PTF1A: variants seen among roughly 807,000 people sequenced by gnomAD.
PTF1A encodes the protein pancreas associated transcription factor 1a.
Under a neutral mutation model 22.6 loss-of-function variants are expected in PTF1A, and 18 were observed. The ratio of observed to expected loss-of-function variants is 0.80; its 90% CI spans 0.55 to 1.18. The LOEUF (loss-of-function observed/expected upper bound fraction) is 1.18, where lower values mean the gene tolerates loss of function less well. Ranked by LOEUF, PTF1A falls within the 50% of genes most tolerant of loss-of-function variation. The probability of loss-of-function intolerance (pLI) is 0.00; values close to 1 mark genes in which losing one functional copy is unlikely to be tolerated. For missense variants in PTF1A, 477 were observed against 473.0 expected (o/e 1.01, Z -0.08); for synonymous variants, 259 against 227.9 (o/e 1.14, Z -1.23).
chr10:23,194,064 A>G lies in PTF1A; in HGVS notation c.*158A>G, dbSNP rs967088363. 2.9e-5 allele frequency: 11 copies of G among 383,370 alleles called. No homozygotes were observed. Among genetic ancestry groups the G allele is most frequent in the Non-Finnish European group, 5.5e-5 (11 of 198,844 alleles). The allele number at this position is 383,370 out of a possible 1,614,324, so 23.7% of individuals were successfully genotyped here. On this transcript the variant is annotated 3_prime_UTR_variant, in exon 2 of 2. Transcript: ENST00000376504. Reference sequence around the variant, plus strand: ...TTATCCTGTTGAGTTGATGAAATAGATGATTTCTTTTTAAATATATAATTT... The same window carrying G: ...TTATCCTGTTGAGTTGATGAAATAGGTGATTTCTTTTTAAATATATAATTT...
rs1805528591 is a variant in PTF1A at position 23,192,387 on chromosome 10, G to A, written c.-144G>A. On this transcript the variant is annotated 5_prime_UTR_variant, in exon 1 of 2. Transcript: ENST00000376504. ...GCGCAGCGGCCGCGGGCACTCCAGGGAGGCCCGGGGGCGGGCAGCCCGGCG... is the reference window on the plus strand; with the variant it reads ...GCGCAGCGGCCGCGGGCACTCCAGGAAGGCCCGGGGGCGGGCAGCCCGGCG... 12 of 1,139,542 alleles carry A rather than the reference G, an allele frequency of 1.1e-5. No individual in the cohort carries two copies. The highest frequency in any genetic ancestry group is 1.6e-5 in the African/African-American group (1 of 60,642). The allele number at this position is 1,139,542 out of a possible 1,614,324, so 70.6% of individuals were successfully genotyped here. A position where few individuals can be genotyped will look rare whatever the true frequency, so the allele number is the denominator to read the frequency against.
Position 23,192,890 on chromosome 10 carries a change from G to T in PTF1A, c.360G>T (p.Ser120=), listed in dbSNP as rs1244675905. 2.3e-6 allele frequency: 3 copies of T among 1,305,640 alleles called. No homozygotes were observed. Among genetic ancestry groups the T allele is most frequent in the South Asian group, 4.6e-5 (2 of 43,820 alleles). The allele number at this position is 1,305,640 out of a possible 1,614,324, so 80.9% of individuals were successfully genotyped here. A position where few individuals can be genotyped will look rare whatever the true frequency, so the allele number is the denominator to read the frequency against. ...CCTACTCGCCCGGCTCGCCGCCCTC[G>T]TGCCTGGCCTACCCGTGCGCCGGGG... is the stretch of plus-strand genomic sequence containing the variant. ...GFPYSPGSPP[S]CLAYPCAGAA... The change falls in exon 1 of 2, where the codon TCG becomes TCT. Residue 120 remains serine (S), a synonymous_variant. Coordinates refer to ENST00000376504, the MANE Select transcript of PTF1A (RefSeq NM_178161.3).
At chr10:23,193,463 G>GTTTTTTTTT in intron 1 of PTF1A, 149 bp downstream of exon 1, 3 of 601,924 alleles carry the variant, frequency 5.0e-6, no homozygotes, top group Non-Finnish European at 7.9e-6. Context: ...CGCGTTTCTC[G>GTTTTTTTTT]TTTTTTTTTT....
In PTF1A at chr10:23,193,544, C is replaced by T. The variant is rs1252908320; in HGVS notation, c.785-160C>T. On this transcript the variant is annotated intron_variant, in intron 1 of 1. Transcript: ENST00000376504. ...CGTCCCCGCCAGACTTGCAGCTCCT[C>T]GGATTCCTGGGAGGGGACGGTGGGG... 7 of 765,774 alleles carry T rather than the reference C, an allele frequency of 9.1e-6. No individual in the cohort carries two copies. The East Asian group carries it at 9.9e-5, about 11-fold the overall frequency. The allele number at this position is 765,774 out of a possible 1,614,324, so 47.4% of individuals were successfully genotyped here. A position where few individuals can be genotyped will look rare whatever the true frequency, so the allele number is the denominator to read the frequency against.
rs368811054 is a variant in PTF1A, at chr10:23,192,494, C to T, written c.-37C>T. 8.8e-6 allele frequency: 14 copies of T among 1,593,658 alleles called. No individual in the cohort carries two copies. In the African/African-American group the frequency reaches 1.2e-4, roughly 14 times the overall value. On this transcript the variant is annotated 5_prime_UTR_variant, in exon 1 of 2. Coordinates refer to ENST00000376504, the MANE Select transcript of PTF1A (RefSeq NM_178161.3). Reference sequence around the variant, plus strand: ...GAAACTCACCAAGAACTAACACGCGCAGCCCGGCAGTCCCGCTGCCCACTG... The same window carrying T: ...GAAACTCACCAAGAACTAACACGCGTAGCCCGGCAGTCCCGCTGCCCACTG...
chr10:23,192,404 A>G lies in PTF1A; in HGVS notation c.-127A>G. ...ACTCCAGGGAGGCCCGGGGGCGGGC[A>G]GCCCGGCGGCCGCCTAGCTGCCCCC... On this transcript the variant is annotated 5_prime_UTR_variant, in exon 1 of 2. Coordinates refer to ENST00000376504, the MANE Select transcript of PTF1A (RefSeq NM_178161.3). 4.4e-6 allele frequency: 5 copies of G among 1,134,270 alleles called. No homozygotes were observed. The highest frequency in any genetic ancestry group is 2.7e-5 in the Admixed American group (1 of 37,654). The allele number at this position is 1,134,270 out of a possible 1,614,324, so 70.3% of individuals were successfully genotyped here.
rs1219091350 is a variant in PTF1A at position 23,192,812 on chromosome 10, C to T, written c.282C>T (p.Asp94=). The change falls in exon 1 of 2, where the codon GAC becomes GAT. Residue 94 remains aspartate (D), a synonymous_variant. Coordinates refer to ENST00000376504, the MANE Select transcript of PTF1A (RefSeq NM_178161.3). ...CGGGGGGCCTCGGTGAGCCAGACGA[C>T]GGCGGCGGCGGCGGCTACTGCTGCG... ...PSSGGLGEPD[D]GGGGGYCCET... 2 of 1,288,640 alleles carry T rather than the reference C, an allele frequency of 1.6e-6. No homozygotes were observed. The highest frequency in any genetic ancestry group is 2.0e-6 in the Non-Finnish European group (2 of 1,023,142). 79.8% of individuals were successfully genotyped at this position (1,288,640 alleles called of 1,614,324 possible).
Position 23,194,092 on chromosome 10 carries a change from A to G in PTF1A, c.*186A>G. ...ATTTCTTTTTAAATATATAATTTAT[A>G]TAACTTATCCTGATTTTCTGAAAAT... On this transcript the variant is annotated 3_prime_UTR_variant, in exon 2 of 2. Coordinates refer to ENST00000376504, the MANE Select transcript of PTF1A (RefSeq NM_178161.3). 3.5e-6 allele frequency: 2 copies of G among 567,036 alleles called. No individual in the cohort carries two copies. The highest frequency in any genetic ancestry group is 6.1e-5 in the Admixed American group (2 of 32,590). 35.1% of individuals were successfully genotyped at this position (567,036 alleles called of 1,614,324 possible).
chr10:23,193,686 C>G lies in PTF1A; in HGVS notation c.785-18C>G. 6.5e-7 allele frequency: 1 copy of G among 1,530,856 alleles called. No homozygotes were observed. Among genetic ancestry groups the G allele is most frequent in the South Asian group, 1.1e-5 (1 of 89,286 alleles). 94.8% of individuals were successfully genotyped at this position (1,530,856 alleles called of 1,614,324 possible). On this transcript the variant is annotated intron_variant, in intron 1 of 1. Transcript: ENST00000376504. Reference sequence around the variant, plus strand: ...TGGTTGGATATTCACAGTCTGTTTTCTCTTCTCACCTGTCCAGGGTCCCCC... The same window carrying G: ...TGGTTGGATATTCACAGTCTGTTTTGTCTTCTCACCTGTCCAGGGTCCCCC...
In PTF1A at chr10:23,193,755, ACTCT is replaced by A; in HGVS notation, c.842_845del (p.Leu281HisfsTer37). 6.2e-7 allele frequency: 1 copy of A among 1,613,288 alleles called. No individual in the cohort carries two copies. ...TATGGCCTCCCTCCCCTAGCAGGAC[ACTCT>A]CTCTCATGGACTGATGAAAAACAAC... On this transcript the variant is annotated frameshift_variant, in exon 2 of 2. Transcript: ENST00000376504. LOFTEE classifies it high-confidence loss of function.
At position 23,193,106 on chromosome 10, in the gene PTF1A, G is replaced by T; in HGVS notation, c.576G>T (p.Thr192=). The change falls in exon 1 of 2, where the codon ACG becomes ACT. Residue 192 remains threonine (T), a synonymous_variant. Coordinates refer to ENST00000376504, the MANE Select transcript of PTF1A (RefSeq NM_178161.3). ...AFEGLRSHIP[T]LPYEKRLSKV... is the part of the protein sequence containing the mutation. ...AGGGGCTGCGCTCGCACATCCCCAC[G>T]CTGCCCTACGAGAAGCGCCTCTCCA... is the stretch of plus-strand genomic sequence containing the variant. The T allele has an allele frequency of 1.4e-6, 2 of 1,439,404 alleles. No homozygotes were observed. Among genetic ancestry groups the T allele is most frequent in the South Asian group, 1.3e-5 (1 of 77,100 alleles). 89.2% of individuals were successfully genotyped at this position (1,439,404 alleles called of 1,614,324 possible). A position where few individuals can be genotyped will look rare whatever the true frequency, so the allele number is the denominator to read the frequency against.
intron 1 of PTF1A, 125 bp downstream of exon 1, chr10:23,193,439 C>G (rs1704225540): frequency 2.2e-6 from 2 of 893,532 alleles, no homozygotes; most frequent in African/African-American, 3.4e-5. Flanking sequence ...CACGGAAAAA[C>G]TTGAATGCGA....
In PTF1A at chr10:23,193,211, C is replaced by CGGTGGCGCG. The variant is rs1840916548; in HGVS notation, c.684_692dup (p.Ala230_Gly232dup). 1 of 1,320,426 alleles carries CGGTGGCGCG rather than the reference C, an allele frequency of 7.6e-7. No individual in the cohort carries two copies. Among genetic ancestry groups the CGGTGGCGCG allele is most frequent in the Non-Finnish European group, 9.7e-7 (1 of 1,027,732 alleles). 81.8% of individuals were successfully genotyped at this position (1,320,426 alleles called of 1,614,324 possible). On this transcript the variant is annotated inframe_insertion, in exon 1 of 2. Coordinates refer to ENST00000376504, the MANE Select transcript of PTF1A (RefSeq NM_178161.3). ...TGCAGGCCGACCTGCCCTTGCGCGG[C>CGGTGGCGCG]GGTGGCGCGGGCGGCTGCGGGGGGC...
In PTF1A at chr10:23,193,163, C is replaced by A. The variant is rs564663588; in HGVS notation, c.633C>A (p.Tyr211Ter). Residue 211 changes from tyrosine to a stop codon, truncating the protein, a stop_gained, in exon 1 of 2, where the codon TAC becomes TAA. Coordinates refer to ENST00000376504, the MANE Select transcript of PTF1A (RefSeq NM_178161.3). LOFTEE classifies it high-confidence loss of function. The stretch of plus-strand genomic sequence containing the variant: ...ACACGCTGCGCCTGGCCATCGGCTA[C>A]ATCAACTTCCTCAGCGAGCTCGTGC... ...KVDTLRLAIGYINFLSELVQA... is the reference protein window; with the variant it reads ...KVDTLRLAIG 7.1e-7 allele frequency: 1 copy of A among 1,414,332 alleles called. No homozygotes were observed. Among genetic ancestry groups the A allele is most frequent in the South Asian group, 1.4e-5 (1 of 73,760 alleles). The allele number at this position is 1,414,332 out of a possible 1,614,324, so 87.6% of individuals were successfully genotyped here.
Position 23,193,933 on chromosome 10 carries a change from G to T in PTF1A, c.*27G>T. ...AAGTCCCAGACTCGGCTGAAGATCT[G>T]ATTATGTCTCTGTGCATATTGTACA... On this transcript the variant is annotated 3_prime_UTR_variant, in exon 2 of 2. Transcript: ENST00000376504. The T allele has an allele frequency of 1.3e-6, 2 of 1,525,618 alleles. No homozygotes were observed. Among genetic ancestry groups the T allele is most frequent in the South Asian group, 2.2e-5 (2 of 89,194 alleles). The allele number at this position is 1,525,618 out of a possible 1,614,324, so 94.5% of individuals were successfully genotyped here.
Position 23,193,239 on chromosome 10 carries a change from G to A in PTF1A, c.709G>A (p.Gly237Ser). The stretch of plus-strand genomic sequence containing the variant: ...TGGCGCGGGCGGCTGCGGGGGGCCG[G>A]GCGGCGGCGGGCGCCTGGGCGGGGA... ...GGGAGGCGGP[G>S]GGGRLGGDSP... The change falls in exon 1 of 2, where the codon GGC becomes AGC. Residue 237 changes from glycine to serine, a missense_variant. By Grantham distance (56) the Gly-to-Ser change is moderately conservative. Coordinates refer to ENST00000376504, the MANE Select transcript of PTF1A (RefSeq NM_178161.3). 1 of 1,244,744 alleles carries A rather than the reference G, an allele frequency of 8.0e-7. No homozygotes were observed. Among genetic ancestry groups the A allele is most frequent in the Non-Finnish European group, 1.0e-6 (1 of 1,001,956 alleles). 77.1% of individuals were successfully genotyped at this position (1,244,744 alleles called of 1,614,324 possible).
rs199831799 is a variant in PTF1A at position 23,192,632 on chromosome 10, C to G, written c.102C>G (p.Asp34Glu). ...DDFFTDQSSR[D>E]PLEDGDELLA... ...TCTTCACCGACCAGTCTTCACGGGA[C>G]CCCCTGGAGGACGGCGATGAGCTGC... The change falls in exon 1 of 2, where the codon GAC becomes GAG. Residue 34 changes from aspartate to glutamate, a missense_variant. Transcript: ENST00000376504. 7 of 1,601,800 alleles carry G rather than the reference C, an allele frequency of 4.4e-6. No homozygotes were observed.
rs1464677720 is a variant in PTF1A, at chr10:23,193,693, C to T, written c.785-11C>T. The T allele has an allele frequency of 1.9e-6, 3 of 1,563,488 alleles. No homozygotes were observed. Among genetic ancestry groups the T allele is most frequent in the African/African-American group, 2.7e-5 (2 of 73,674 alleles). ...ATATTCACAGTCTGTTTTCTCTTCT[C>T]ACCTGTCCAGGGTCCCCCTCCCCCA... On this transcript the variant is annotated splice_polypyrimidine_tract_variant and intron_variant, in intron 1 of 1. Coordinates refer to ENST00000376504, the MANE Select transcript of PTF1A (RefSeq NM_178161.3).
Position 23,192,860 on chromosome 10 carries a change from C to T in PTF1A, c.330C>T (p.Gly110=). The T allele has an allele frequency of 7.6e-7, 1 of 1,322,348 alleles. No individual in the cohort carries two copies. The highest frequency in any genetic ancestry group is 3.0e-5 in the Admixed American group (1 of 33,512). The allele number at this position is 1,322,348 out of a possible 1,614,324, so 81.9% of individuals were successfully genotyped here. ...GCGAGACGGGGGCGCCCCCAGGCGG[C>T]TTCCCCTACTCGCCCGGCTCGCCGC... ...YCCETGAPPG[G]FPYSPGSPPS... Residue 110 remains glycine (G), a synonymous_variant, in exon 1 of 2, where the codon GGC becomes GGT. Transcript: ENST00000376504.
Sources: allele counts gnomAD v4.1 joint callset, GRCh38; gene constraint gnomAD v4.1.1; transcripts MANE v1.5; gene names NCBI Gene and HGNC (gene_info 2026-07-23, HGNC 2026-07-21).